RERE: variants seen among roughly 807,000 people sequenced by gnomAD.
RERE encodes the protein arginine-glutamic acid dipeptide repeats protein.
In RERE, 40 loss-of-function variants were observed where a neutral mutation model predicts 146.1. That is an observed-to-expected ratio of 0.27 (90% CI 0.21 to 0.36). The LOEUF (loss-of-function observed/expected upper bound fraction) is 0.36, where lower values mean the gene tolerates loss of function less well. RERE is among the 10% of genes least tolerant of loss of function. RERE has a pLI of 1.00. For missense variants in RERE, 1,933 were observed against 2,138.7 expected, an observed-to-expected ratio of 0.90 and a Z score of 1.90; for synonymous variants, 1,003 against 866.0, an observed-to-expected ratio of 1.16 and a Z score of -2.78.
intron 1 of RERE, among the ~76,000 whole-genome samples, chr1:8,733,802 T>C (rs1276640657): frequency 6.6e-6 from 1 of 152,214 alleles, no homozygotes; most frequent in Non-Finnish European, 1.5e-5. Flanking sequence ...ATATATCATA[T>C]AGGAGCTTAA....
At chr1:8,681,679 T>A (rs1638974747) in intron 1 of RERE, among the ~76,000 whole-genome samples, 1 of 151,744 alleles carries the variant, frequency 6.6e-6, no homozygotes, top group South Asian at 2.1e-4. Flanking sequence ...TTAAACTAAA[T>A]CAAAAAAAGT....
Position 8,401,038 on chromosome 1 carries a change from C to CATATATATATATATAT in RERE, c.1284+21673_1284+21688dup, listed in dbSNP as rs59752248. Among the ~76,000 whole-genome samples the CATATATATATATATAT allele has an allele frequency of 2.6e-3, 152 of 57,418 alleles. 1 individual carries two copies. The highest frequency in any genetic ancestry group is 3.8e-3 in the Non-Finnish European group (107 of 28,486). The allele number at this position is 57,418 out of a possible 152,430, so 37.7% of individuals were successfully genotyped here. A position where few individuals can be genotyped will look rare whatever the true frequency, so the allele number is the denominator to read the frequency against. Reference sequence around the variant, plus strand: ...GTCTCAAAAAAAAAAAAAAAAAAACCATATATATATATATATATATATATA... The same window carrying CATATATATATATATAT: ...GTCTCAAAAAAAAAAAAAAAAAAACCATATATATATATATATATATATATATATATATATATATATA... On this transcript the variant is annotated intron_variant, in intron 12 of 22. Transcript: ENST00000400908.
At chr1:8,462,258 G>T (rs901622597) in intron 11 of RERE, among the ~76,000 whole-genome samples, 1 of 152,184 alleles carries the variant, frequency 6.6e-6, no homozygotes, top group East Asian at 1.9e-4. Context: ...CTCTCATATG[G>T]AGAGAAACTA....
intron 1 of RERE, among the ~76,000 whole-genome samples, chr1:8,800,545 C>T (rs899823966): frequency 3.3e-5 from 5 of 152,112 alleles, no homozygotes; most frequent in African/African-American, 9.7e-5. Context: ...GAGCCAGGCA[C>T]TGTGGTACAC....
At chr1:8,525,682 T>A in intron 7 of RERE, 1 of 1,428,774 alleles carries the variant, frequency 7.0e-7, no homozygotes, top group East Asian at 2.5e-5. Context: ...ATGAAATGAT[T>A]CATAAACACC....
chr1:8,609,425 A>C (rs1646763947), intron 4 of RERE, among the ~76,000 whole-genome samples: 2 of 151,706 alleles, frequency 1.3e-5, no homozygotes, highest in Non-Finnish European at 2.9e-5. Context: ...ATCATCTTTC[A>C]TTTAGGGTAG....
At chr1:8,566,792 A>ATTT (rs35714721) in intron 4 of RERE, among the ~76,000 whole-genome samples, 2 of 137,680 alleles carry the variant, frequency 1.5e-5, no homozygotes, top group African/African-American at 2.7e-5. Context: ...TGGAATAGTA[A>ATTT]TTTTTTTTTT....
intron 1 of RERE, among the ~76,000 whole-genome samples, chr1:8,743,503 A>G (rs929008438): frequency 1.3e-5 from 2 of 150,754 alleles, no homozygotes; most frequent in African/African-American, 4.9e-5. Context: ...CCTGGCCCCA[A>G]GGAATCCTCG....
At chr1:8,699,289 C>T (rs990507858) in intron 1 of RERE, among the ~76,000 whole-genome samples, 4 of 152,130 alleles carry the variant, frequency 2.6e-5, no homozygotes, top group African/African-American at 7.2e-5. Flanking sequence ...CCAGGTATCA[C>T]AGTGAGTAAG....
Position 8,460,522 on chromosome 1 carries a change from T to C in RERE, c.1203+5403A>G, listed in dbSNP as rs139485289. Among the ~76,000 whole-genome samples, 16 of 152,342 alleles carry C rather than the reference T, an allele frequency of 1.1e-4. 2 individuals are homozygous for C. Among genetic ancestry groups the C allele is most frequent in the Admixed American group, 9.8e-4 (15 of 15,300 alleles). ...ATTTATGAGCTTGTAAATAAATCCA[T>C]GTACATGGCCAATTAAGGTTTATCA... On this transcript the variant is annotated intron_variant, in intron 11 of 22. Transcript: ENST00000400908.
At chr1:8,623,030 C>T (rs192940781) in intron 3 of RERE, among the ~76,000 whole-genome samples, 1 of 152,214 alleles carries the variant, frequency 6.6e-6, no homozygotes, top group Non-Finnish European at 1.5e-5. Context: ...AGAGCACAGA[C>T]AGTGGTTCAC....
intron 4 of RERE, among the ~76,000 whole-genome samples, chr1:8,574,400 A>G (rs1412942638): frequency 7.7e-6 from 1 of 130,262 alleles, no homozygotes; most frequent in African/African-American, 3.0e-5. Context: ...ACTGGAGTGC[A>G]GTGGCACGAT....
chr1:8,501,140 C>A (rs1253779964), intron 8 of RERE, among the ~76,000 whole-genome samples: 4 of 148,226 alleles, frequency 2.7e-5, no homozygotes, highest in Admixed American at 2.7e-4. Flanking sequence ...TCTGCCCGGC[C>A]AGCTGCCCCG....
At chr1:8,669,182 C>G (rs974431900) in intron 1 of RERE, among the ~76,000 whole-genome samples, 10 of 151,330 alleles carry the variant, frequency 6.6e-5, no homozygotes, top group African/African-American at 2.2e-4. Context: ...AAGCAATACC[C>G]CCCCCAACTC....
chr1:8,398,868 G>A (rs183983827), intron 12 of RERE, among the ~76,000 whole-genome samples: 2 of 152,242 alleles, frequency 1.3e-5, no homozygotes, highest in East Asian at 3.9e-4. Context: ...ATCAATGTGC[G>A]CGGCCACTAG....
chr1:8,617,084 C>A (rs76866305), intron 3 of RERE, among the ~76,000 whole-genome samples: 3,902 of 152,132 alleles, frequency 0.026, 153 homozygotes, highest in African/African-American at 0.088. Flanking sequence ...GTGGTTCATG[C>A]CTGTAATCCC....
chr1:8,514,230 T>C (rs1225728459), intron 7 of RERE, among the ~76,000 whole-genome samples: 2 of 152,206 alleles, frequency 1.3e-5, no homozygotes, highest in Non-Finnish European at 2.9e-5. Context: ...TTCAAGAAAG[T>C]TTCTGCCAAA....
chr1:8,425,355 G>C (rs986232347), intron 11 of RERE: 1 of 152,312 alleles, frequency 6.6e-6, no homozygotes, highest in Non-Finnish European at 1.5e-5. Flanking sequence ...AGAACATTCT[G>C]AGATGTCATC....
chr1:8,804,185 C>CAT (rs1297446073), intron 1 of RERE, among the ~76,000 whole-genome samples: 3 of 151,902 alleles, frequency 2.0e-5, no homozygotes, highest in Admixed American at 2.0e-4. Flanking sequence ...AATAATGAAT[C>CAT]ACATAAAATA....
Sources: allele counts gnomAD v4.1 joint callset (sites outside exome capture counted in the v4.1 genomes callset), GRCh38; gene constraint gnomAD v4.1.1; transcripts MANE v1.5; gene names NCBI Gene and HGNC (gene_info 2026-07-23, HGNC 2026-07-21).